The following CDH4 variants were observed in gnomAD, a reference collection of about 807,000 sequenced individuals.
CDH4 encodes cadherin 4, also known as cadherin-4.
In CDH4, 33 loss-of-function variants were observed where a neutral mutation model predicts 86.0. That is an observed-to-expected ratio of 0.38 (90% CI 0.29 to 0.51). The LOEUF (loss-of-function observed/expected upper bound fraction) is 0.51. Among genes scored for constraint, CDH4 ranks in the 20% least tolerant of loss-of-function variants. The pLI is 0.86. For missense variants in CDH4, 1,114 were observed against 1,307.4 expected, an observed-to-expected ratio of 0.85 and a Z score of 2.28; for synonymous variants, 555 against 549.4, an observed-to-expected ratio of 1.01 and a Z score of -0.14.
chr20:61,611,144 G>C (rs1162564328), intron 2 of CDH4, among the ~76,000 whole-genome samples: 1 of 152,014 alleles, frequency 6.6e-6, no homozygotes, highest in Non-Finnish European at 1.5e-5. Context: ...CAGCAGGTTG[G>C]GATAGTCCCC....
intron 4 of CDH4, among the ~76,000 whole-genome samples, chr20:61,790,370 TCTCCA>T (rs985279084): frequency 2.7e-5 from 4 of 145,582 alleles, no homozygotes; most frequent in African/African-American, 1.0e-4. Context: ...TCCATTCATC[TCTCCA>T]CTCATCATTC....
intron 2 of CDH4, among the ~76,000 whole-genome samples, chr20:61,507,399 T>C (rs1245461919): frequency 6.6e-6 from 1 of 152,148 alleles, no homozygotes; most frequent in Non-Finnish European, 1.5e-5. Context: ...GGAATCCAAA[T>C]GGAGATGGAG....
At chr20:61,716,914 A>C (rs964071066) in intron 2 of CDH4, among the ~76,000 whole-genome samples, 1 of 152,174 alleles carries the variant, frequency 6.6e-6, no homozygotes, top group African/African-American at 2.4e-5. Flanking sequence ...TCTCAAAAAA[A>C]TAAATAAATA....
chr20:61,715,966 C>T (rs2087948028), intron 2 of CDH4, among the ~76,000 whole-genome samples: 1 of 152,248 alleles, frequency 6.6e-6, no homozygotes, highest in Admixed American at 6.5e-5. Flanking sequence ...GTTCCACAGC[C>T]CCCTCTGGGC....
At chr20:61,690,289 C>T (rs1207665293) in intron 2 of CDH4, among the ~76,000 whole-genome samples, 1 of 152,176 alleles carries the variant, frequency 6.6e-6, no homozygotes, top group Admixed American at 6.5e-5. Context: ...GGACCCTCTG[C>T]TGTGACTGAG....
chr20:61,405,755 G>A (rs2085078193), intron 2 of CDH4, among the ~76,000 whole-genome samples: 1 of 151,412 alleles, frequency 6.6e-6, no homozygotes, highest in East Asian at 1.9e-4. Flanking sequence ...GTGCAGTGGC[G>A]CAATTTCAGC....
At chr20:61,618,826 G>A (rs1041660268) in intron 2 of CDH4, among the ~76,000 whole-genome samples, 1 of 152,238 alleles carries the variant, frequency 6.6e-6, no homozygotes, top group African/African-American at 2.4e-5. Context: ...AATTCAGAGA[G>A]GGGTAGAGAC....
chr20:61,770,377 A>G (rs1024569040), intron 3 of CDH4, among the ~76,000 whole-genome samples: 1 of 152,226 alleles, frequency 6.6e-6, no homozygotes, highest in Non-Finnish European at 1.5e-5. Flanking sequence ...GCCCTGGTGC[A>G]AGGTCCATTC....
intron 13 of CDH4, among the ~76,000 whole-genome samples, chr20:61,931,847 G>A (rs551929348): frequency 5.3e-5 from 8 of 152,198 alleles, no homozygotes; most frequent in African/African-American, 1.9e-4. Flanking sequence ...CACCCCACAA[G>A]GGGACTTTAC....
chr20:61,492,893 G>A (rs1356770343), intron 2 of CDH4, among the ~76,000 whole-genome samples: 1 of 152,178 alleles, frequency 6.6e-6, no homozygotes, highest in Non-Finnish European at 1.5e-5. Flanking sequence ...AACCTGGATG[G>A]CAAGTTGAAG....
Position 61,757,449 on chromosome 20 carries a change from C to T in CDH4, c.396+13660C>T, listed in dbSNP as rs574060236. ...TTTTCAGGCTGCAAACAGCCTTGAA[C>T]GACATCTGGGCCAGCCCTTCACTTG... On this transcript the variant is annotated intron_variant, in intron 3 of 15. Coordinates refer to ENST00000614565, the MANE Select transcript of CDH4 (RefSeq NM_001794.5). Among the ~76,000 whole-genome samples the T allele has an allele frequency of 9.5e-4, 145 of 152,362 alleles. 5 individuals are homozygous for T. In the South Asian group the frequency reaches 0.026, roughly 28 times the overall value.
At chr20:61,507,382 G>A (rs1243979356) in intron 2 of CDH4, among the ~76,000 whole-genome samples, 1 of 152,100 alleles carries the variant, frequency 6.6e-6, no homozygotes, top group Admixed American at 6.5e-5. Flanking sequence ...GCTCTTATTG[G>A]AAGCCAGGAA....
intron 5 of CDH4, among the ~76,000 whole-genome samples, chr20:61,851,300 C>A (rs965767005): frequency 6.6e-6 from 1 of 152,202 alleles, no homozygotes; most frequent in Non-Finnish European, 1.5e-5. Flanking sequence ...CTAGATCTTC[C>A]GTAAACACAC....
In CDH4 at chr20:61,703,450, G is replaced by A. The variant is rs1049729822; in HGVS notation, c.170-40113G>A. ...AGGGGACAGTGTGGCTGGGATATGGGCGGCCTTGCATTTGCAGAGTATTTA... is the reference window on the plus strand; with the variant it reads ...AGGGGACAGTGTGGCTGGGATATGGACGGCCTTGCATTTGCAGAGTATTTA... On this transcript the variant is annotated intron_variant, in intron 2 of 15. Transcript: ENST00000614565. The surrounding 1 kb of genome is among the most constrained non-coding windows in gnomAD (Gnocchi z 4.3). Among the ~76,000 whole-genome samples, 2 of 152,228 alleles carry A rather than the reference G, an allele frequency of 1.3e-5. No homozygotes were observed. The highest frequency in any genetic ancestry group is 2.4e-5 in the African/African-American group (1 of 41,454).
At chr20:61,728,510 T>A (rs902962461) in intron 2 of CDH4, among the ~76,000 whole-genome samples, 1 of 152,092 alleles carries the variant, frequency 6.6e-6, no homozygotes, top group African/African-American at 2.4e-5. Context: ...GGAGTGGCAG[T>A]GAGCCAGATG....
At chr20:61,620,214 GC>G (rs2086763009) in intron 2 of CDH4, among the ~76,000 whole-genome samples, 3 of 12,186 alleles carry the variant, frequency 2.5e-4, no homozygotes, top group East Asian at 5.9e-3. Context: ...GGACAGACAG[GC>G]AGGCTGGTAG....
At chr20:61,547,624 C>G (rs1171354195) in intron 2 of CDH4, among the ~76,000 whole-genome samples, 1 of 152,140 alleles carries the variant, frequency 6.6e-6, no homozygotes, top group Non-Finnish European at 1.5e-5. Flanking sequence ...AGCCTGGCCT[C>G]AATGCTTTCA....
chr20:61,430,475 G>A (rs1198196535), intron 2 of CDH4, among the ~76,000 whole-genome samples: 1 of 152,180 alleles, frequency 6.6e-6, no homozygotes, highest in Non-Finnish European at 1.5e-5. Flanking sequence ...GAAACCTGCT[G>A]AGCGTGGCAG....
chr20:61,608,100 A>T (rs1222747940), intron 2 of CDH4, among the ~76,000 whole-genome samples: 5 of 151,440 alleles, frequency 3.3e-5, no homozygotes, highest in Non-Finnish European at 2.9e-5. Flanking sequence ...CCCAGACCCC[A>T]GGGTGTCTCC....
Sources: gnomAD v4.1 joint callset for allele counts (sites outside exome capture counted in the v4.1 genomes callset) on GRCh38, gnomAD v4.1.1 for gene constraint, Gnocchi (gnomAD v3.1) non-coding constraint, MANE v1.5 for transcripts, NCBI Gene and HGNC (gene_info 2026-07-23, HGNC 2026-07-21) for gene names.